MAGEB1: variants seen among roughly 807,000 people sequenced by gnomAD.
MAGEB1 encodes MAGE family member B1.
For synonymous variants in MAGEB1, 99 were observed against 105.7 expected (o/e 0.94, Z 0.39); for missense variants, 290 against 286.7 (o/e 1.01, Z -0.08).
upstream of MAGEB1, chrX:30,244,185 A>G (rs930189570): frequency 8.1e-6 from 1 of 123,843 alleles, no homozygotes; most frequent in African/African-American, 3.2e-5. Flanking sequence ...AGAGAAAAAA[A>G]AAGTAAAATG....
At chrX:30,246,617 GA>G (rs768630417), upstream of MAGEB1, among the ~76,000 whole-genome samples, 1 of 111,989 alleles carries the variant, frequency 8.9e-6, no homozygotes, top group East Asian at 2.8e-4. Flanking sequence ...ACCCTAACAA[GA>G]ATCAATGTAG....
At chrX:30,247,946 GAAAAAAAAAA>G (rs57368527) in intron 1 of MAGEB1, among the ~76,000 whole-genome samples, 6 of 45,936 alleles carry the variant, frequency 1.3e-4, no homozygotes, top group Non-Finnish European at 1.7e-4. Flanking sequence ...TCAGTCTCAA[GAAAAAAAAAA>G]AAAAAAAAAA....
chrX:30,245,187 A>G (rs1569257289), upstream of MAGEB1, among the ~76,000 whole-genome samples: 1 of 111,966 alleles, frequency 8.9e-6, no homozygotes, highest in African/African-American at 3.3e-5. Flanking sequence ...TTAATATGGA[A>G]AAGTTATTTA....
upstream of MAGEB1, among the ~76,000 whole-genome samples, chrX:30,244,973 C>A (rs1329757878): frequency 8.9e-6 from 1 of 111,984 alleles, no homozygotes; most frequent in Non-Finnish European, 1.9e-5. Flanking sequence ...AGCTGGGGAG[C>A]CAGAACCCAT....
chrX:30,250,725 G>T lies in MAGEB1; in HGVS notation c.232G>T (p.Glu78Ter). Residue 78 changes from glutamate to a stop codon, truncating the protein, a stop_gained, in exon 2 of 2, where the codon GAA (glutamate) becomes TAA (stop). Transcript: ENST00000397548. LOFTEE classifies it low-confidence loss of function (END_TRUNC). ...TGCTGCTGCAGCTGTGTCATGTACC[G>T]AATCTGACGAAGGTGCCAAATGCCA... The part of the protein sequence containing the change: ...TTAAAAVSCT[E>*]SDEGAKCQGE... The T allele has an allele frequency of 1.7e-6, 2 of 1,210,893 alleles. No homozygotes were observed. The highest frequency in any genetic ancestry group is 2.2e-6 in the Non-Finnish European group (2 of 895,043).
Position 30,251,685 on chromosome X carries a change from T to C in MAGEB1, c.*148T>C. On this transcript the variant is annotated 3_prime_UTR_variant, in exon 2 of 2. Coordinates refer to ENST00000397548, the MANE Select transcript of MAGEB1 (RefSeq NM_177404.3). The stretch of plus-strand genomic sequence containing the variant: ...TAGTATCTTTCAAGTGTTTTTCTTT[T>C]AATAGAATGTTTATTTAGAGTTGGG... 1 of 492,141 alleles carries C rather than the reference T, an allele frequency of 2.0e-6. No homozygotes were observed. The highest frequency in any genetic ancestry group is 3.3e-6 in the Non-Finnish European group (1 of 298,683). 40.6% of individuals were successfully genotyped at this position (492,141 alleles called of 1,213,427 possible).
chrX:30,249,304 G>A (rs993048601), intron 1 of MAGEB1, among the ~76,000 whole-genome samples: 1 of 111,378 alleles, frequency 9.0e-6, no homozygotes, highest in Non-Finnish European at 1.9e-5. Flanking sequence ...CTGATGTAAG[G>A]GGCCTCAGGT....
upstream of MAGEB1, among the ~76,000 whole-genome samples, chrX:30,246,842 T>C (rs1262079959): frequency 2.7e-5 from 3 of 111,639 alleles, no homozygotes; most frequent in Admixed American, 1.9e-4. Flanking sequence ...TGAGAGCTGA[T>C]GAGAAGGCCT....
At chrX:30,249,447 A>T (rs1470228729) in intron 1 of MAGEB1, among the ~76,000 whole-genome samples, 2 of 110,997 alleles carry the variant, frequency 1.8e-5, no homozygotes, top group African/African-American at 6.6e-5. Flanking sequence ...TAAATGTCAG[A>T]AATGCCCCTA....
chrX:30,250,771 T>C lies in MAGEB1; in HGVS notation c.278T>C (p.Phe93Ser). The C allele has an allele frequency of 8.3e-7, 1 of 1,211,135 alleles. No individual in the cohort carries two copies. The highest frequency in any genetic ancestry group is 1.1e-6 in the Non-Finnish European group (1 of 895,196). Residue 93 changes from phenylalanine (F) to serine (S), a missense_variant, in exon 2 of 2, where the codon TTC becomes TCC. By Grantham distance (155) the Phe-to-Ser change is radical. Coordinates refer to ENST00000397548, the MANE Select transcript of MAGEB1 (RefSeq NM_177404.3). ...AKCQGEENAS[F>S]SQATTSTESS... ...TGCCAAGGTGAGGAAAATGCAAGTTTCTCCCAGGCCACAACATCCACTGAG... is the reference window on the plus strand; with the variant it reads ...TGCCAAGGTGAGGAAAATGCAAGTTCCTCCCAGGCCACAACATCCACTGAG...
Position 30,250,448 on chromosome X carries a change from G to A in MAGEB1, c.-46G>A. 1.9e-6 allele frequency: 2 copies of A among 1,066,650 alleles called. No individual in the cohort carries two copies. The highest frequency in any genetic ancestry group is 2.5e-6 in the Non-Finnish European group (2 of 794,931). The allele number at this position is 1,066,650 out of a possible 1,213,427, so 87.9% of individuals were successfully genotyped here. On this transcript the variant is annotated 5_prime_UTR_variant, in exon 2 of 2. Transcript: ENST00000397548. ...CTCTCCTTCAGGTGCCACATCTCCT[G>A]CCTTTCTGCTCACTTTCCTGCCTGT...
chrX:30,251,547 C>T lies in MAGEB1; in HGVS notation c.*10C>T. ...CTCCCACCCCATGTGAGAACTCAGG[C>T]AGATTGTTCACTTTGTTTTTGTGGC... On this transcript the variant is annotated 3_prime_UTR_variant, in exon 2 of 2. Coordinates refer to ENST00000397548, the MANE Select transcript of MAGEB1 (RefSeq NM_177404.3). 8.4e-7 allele frequency: 1 copy of T among 1,187,302 alleles called. No homozygotes were observed. The highest frequency in any genetic ancestry group is 1.1e-6 in the Non-Finnish European group (1 of 881,983).
chrX:30,247,827 C>T (rs1272585635), intron 1 of MAGEB1, among the ~76,000 whole-genome samples: 2 of 109,523 alleles, frequency 1.8e-5, no homozygotes, highest in African/African-American at 6.7e-5. Flanking sequence ...TGCTGTAGTC[C>T]CAGCTACTCA....
intron 1 of MAGEB1, among the ~76,000 whole-genome samples, 180 bp from the exon 2 acceptor site, chrX:30,250,250 CAGAG>C (rs1925463871): frequency 2.7e-5 from 3 of 111,336 alleles, no homozygotes; most frequent in Non-Finnish European, 5.7e-5. Flanking sequence ...CCCTTGAACA[CAGAG>C]GGAGTCTACA....
At chrX:30,249,951 T>C (rs1321519814) in intron 1 of MAGEB1, among the ~76,000 whole-genome samples, 1 of 112,024 alleles carries the variant, frequency 8.9e-6, no homozygotes, top group Non-Finnish European at 1.9e-5. Context: ...GGTCTGAAGA[T>C]GCAGCACCAG....
Position 30,251,517 on chromosome X carries a change from A to G in MAGEB1, c.1024A>G (p.Arg342Gly). 3 of 1,206,250 alleles carry G rather than the reference A, an allele frequency of 2.5e-6. No homozygotes were observed. Among genetic ancestry groups the G allele is most frequent in the Non-Finnish European group, 3.4e-6 (3 of 892,081 alleles). The change falls in exon 2 of 2, where the codon AGG (arginine) becomes GGG (glycine). Residue 342 changes from arginine to glycine, a missense_variant. Physicochemically the swap from Arg to Gly is moderately radical, Grantham distance 125. Coordinates refer to ENST00000397548, the MANE Select transcript of MAGEB1 (RefSeq NM_177404.3). Reference sequence around the variant, plus strand: ...AGCGCGTTCTAGAGCCCCATTCAGCAGGTCCTCCCACCCCATGTGAGAACT... The same window carrying G: ...AGCGCGTTCTAGAGCCCCATTCAGCGGGTCCTCCCACCCCATGTGAGAACT... ...FRARSRAPFS[R>G]SSHPM
At position 30,251,370 on chromosome X, in the gene MAGEB1, A is replaced by G. The variant is rs1027931782; in HGVS notation, c.877A>G (p.Asn293Asp). ...MKVLEFLAKM[N>D]GATPRDFPSH... ...AGTCCTCGAGTTTTTGGCCAAGATG[A>G]ATGGTGCCACTCCCCGTGACTTCCC... Residue 293 changes from asparagine (N) to aspartate (D), a missense_variant, in exon 2 of 2, where the codon AAT (asparagine) becomes GAT (aspartate). Transcript: ENST00000397548. 1.7e-6 allele frequency: 2 copies of G among 1,209,745 alleles called. No homozygotes were observed. Among genetic ancestry groups the G allele is most frequent in the African/African-American group, 3.5e-5 (2 of 57,020 alleles).
Position 30,251,471 on chromosome X carries a change from C to T in MAGEB1, c.978C>T (p.Arg326=). The T allele has an allele frequency of 8.3e-7, 1 of 1,211,804 alleles. No individual in the cohort carries two copies. Among genetic ancestry groups the T allele is most frequent in the South Asian group, 1.8e-5 (1 of 56,976 alleles). The change falls in exon 2 of 2, where the codon CGC becomes CGT. Residue 326 remains arginine (R), a synonymous_variant. Coordinates refer to ENST00000397548, the MANE Select transcript of MAGEB1 (RefSeq NM_177404.3). The part of the protein sequence containing the change: ...QVRSSVRARR[R]TTATTFRARS... ...GATCCAGTGTTAGAGCCAGGCGTCGCACTACTGCCACGACTTTTAGAGCGC... is the reference window on the plus strand; with the variant it reads ...GATCCAGTGTTAGAGCCAGGCGTCGTACTACTGCCACGACTTTTAGAGCGC...
chrX:30,251,649 C>G lies in MAGEB1; in HGVS notation c.*112C>G. ...CATCATATATATCTCCTTTGTGTTC[C>G]TGTTAAACATTAGTATCTTTCAAGT... On this transcript the variant is annotated 3_prime_UTR_variant, in exon 2 of 2. Transcript: ENST00000397548. 1 of 609,904 alleles carries G rather than the reference C, an allele frequency of 1.6e-6. No homozygotes were observed. Among genetic ancestry groups the G allele is most frequent in the East Asian group, 3.4e-5 (1 of 29,578 alleles). 50.3% of individuals were successfully genotyped at this position (609,904 alleles called of 1,213,427 possible).
Sources: gnomAD v4.1 joint callset for allele counts (sites outside exome capture counted in the v4.1 genomes callset) on GRCh38, gnomAD v4.1.1 for gene constraint, MANE v1.5 for transcripts, NCBI Gene and HGNC (gene_info 2026-07-23, HGNC 2026-07-21) for gene names.